The following BABAM2 variants were observed in gnomAD, a reference collection of about 807,000 sequenced individuals.
BABAM2 encodes BRISC and BRCA1-A complex member 2.
A neutral mutation model predicts 54.7 loss-of-function variants in BABAM2; 31 were observed. The observed-to-expected ratio is 0.57, with a 90% CI of 0.43 to 0.77. The LOEUF is 0.77. Among genes scored for constraint, BABAM2 ranks in the 30% least tolerant of loss-of-function variants. The pLI is 0.00. For synonymous variants in BABAM2, 167 were observed against 162.9 expected, an observed-to-expected ratio of 1.03 and a Z score of -0.19; for missense variants, 364 against 455.8, an observed-to-expected ratio of 0.80 and a Z score of 1.83.
intron 11 of BABAM2, among the ~76,000 whole-genome samples, chr2:28,335,123 C>T (rs72786765): frequency 0.097 from 14,404 of 148,634 alleles, 1,384 homozygotes; most frequent in African/African-American, 0.24. Flanking sequence ...TGTACCTGTT[C>T]TCTTTCTGGA....
chr2:27,956,683 CA>C (rs1292203915), intron 3 of BABAM2, among the ~76,000 whole-genome samples: 1 of 152,092 alleles, frequency 6.6e-6, no homozygotes, highest in Admixed American at 6.5e-5. Context: ...AAAGCAGCAG[CA>C]TAGTTTCTGC....
chr2:28,139,383 A>G lies in BABAM2; in HGVS notation c.680+10003A>G, dbSNP rs141428246. Among the ~76,000 whole-genome samples the G allele has an allele frequency of 5.4e-3, 818 of 151,256 alleles. 10 individuals carry two copies. Among genetic ancestry groups the G allele is most frequent in the African/African-American group, 0.019 (761 of 41,076 alleles). On this transcript the variant is annotated intron_variant, in intron 7 of 11. Transcript: ENST00000379624. Reference sequence around the variant, plus strand: ...AAAGAGGTGGAGACCATCCTGGCCAACATGGTGAAACCCTGCCTCTACTAA... The same window carrying G: ...AAAGAGGTGGAGACCATCCTGGCCAGCATGGTGAAACCCTGCCTCTACTAA...
chr2:28,315,872 T>C (rs1689512559), intron 11 of BABAM2, among the ~76,000 whole-genome samples: 1 of 152,100 alleles, frequency 6.6e-6, no homozygotes. Context: ...AATAGATCCT[T>C]CTTGGCCTTG....
In BABAM2 at chr2:28,025,273, G is replaced by T. The variant is rs191932782; in HGVS notation, c.348G>T (p.Val116=). The stretch of plus-strand genomic sequence containing the variant: ...CAAATCCTGAATGTCTCTTACTTGT[G>T]GTGAAGGAACTTGTGCAACAATATC... The part of the protein sequence containing the change: ...NPSNPECLLL[V]VKELVQQYHQ... Residue 116 remains valine (V), a synonymous_variant, in exon 5 of 12, where the codon GTG becomes GTT. Transcript: ENST00000379624. 1 of 1,608,644 alleles carries T rather than the reference G, an allele frequency of 6.2e-7. No homozygotes were observed.
chr2:27,968,725 A>T (rs539491577), intron 3 of BABAM2, among the ~76,000 whole-genome samples: 19 of 152,336 alleles, frequency 1.2e-4, no homozygotes, highest in African/African-American at 4.1e-4. Context: ...GACCATGGGA[A>T]TCCACCTCTT....
chr2:28,160,052 G>C (rs1472694079), intron 7 of BABAM2, among the ~76,000 whole-genome samples: 1 of 152,118 alleles, frequency 6.6e-6, no homozygotes, highest in African/African-American at 2.4e-5. Flanking sequence ...GCCAATCATA[G>C]CTCACTGTAA....
intron 7 of BABAM2, among the ~76,000 whole-genome samples, chr2:28,152,575 A>C (rs1342988313): frequency 6.6e-6 from 1 of 152,126 alleles, no homozygotes. Flanking sequence ...GGGAGACAGG[A>C]ATGGGCACAG....
At chr2:28,086,118 A>G (rs1665618833) in intron 6 of BABAM2, among the ~76,000 whole-genome samples, 1 of 152,164 alleles carries the variant, frequency 6.6e-6, no homozygotes, top group African/African-American at 2.4e-5. Flanking sequence ...TCCGTCTGTA[A>G]TTTGTAGACA....
intron 11 of BABAM2, among the ~76,000 whole-genome samples, chr2:28,303,714 C>G (rs1688286793): frequency 6.7e-6 from 1 of 148,336 alleles, no homozygotes; most frequent in Non-Finnish European, 1.5e-5. Context: ...CACTCCAACG[C>G]CCCCCCCACC....
chr2:27,898,346 G>A (rs1665506819), intron 2 of BABAM2, among the ~76,000 whole-genome samples: 1 of 152,086 alleles, frequency 6.6e-6, no homozygotes, highest in Admixed American at 6.5e-5. Flanking sequence ...ACACATTAAG[G>A]ATTTTCTTCT....
At chr2:28,294,585 A>G (rs929986408) in intron 10 of BABAM2, among the ~76,000 whole-genome samples, 1 of 152,180 alleles carries the variant, frequency 6.6e-6, no homozygotes, top group African/African-American at 2.4e-5. Context: ...ACATTTGGGG[A>G]TAAGGAAAGC....
At chr2:27,939,513 A>G (rs1668728035) in intron 3 of BABAM2, among the ~76,000 whole-genome samples, 1 of 152,214 alleles carries the variant, frequency 6.6e-6, no homozygotes, top group Admixed American at 6.5e-5. Context: ...GTTATAAAGA[A>G]TGTGGCATTC....
At chr2:28,114,392 G>A (rs781615637) in intron 6 of BABAM2, among the ~76,000 whole-genome samples, 25 of 152,042 alleles carry the variant, frequency 1.6e-4, no homozygotes, top group Non-Finnish European at 3.1e-4. Context: ...AGAGTCTAAC[G>A]AATTCATTCT....
chr2:28,248,533 C>T (rs1336207034), intron 10 of BABAM2, among the ~76,000 whole-genome samples: 1 of 151,898 alleles, frequency 6.6e-6, no homozygotes, highest in African/African-American at 2.4e-5. Context: ...CAGAATGCAG[C>T]GTGGCAAGAG....
At chr2:28,043,661 T>TCCAAAGAAC (rs1479566433) in intron 5 of BABAM2, among the ~76,000 whole-genome samples, 1 of 152,212 alleles carries the variant, frequency 6.6e-6, no homozygotes, top group Non-Finnish European at 1.5e-5. Context: ...TGTGTCTTGA[T>TCCAAAGAAC]CCAAAGAACC....
chr2:27,923,719 C>T (rs1184341295), intron 2 of BABAM2, among the ~76,000 whole-genome samples: 1 of 152,056 alleles, frequency 6.6e-6, no homozygotes, highest in Non-Finnish European at 1.5e-5. Context: ...GCCTATAATC[C>T]CAGCTCTTTG....
intron 4 of BABAM2, among the ~76,000 whole-genome samples, chr2:28,002,880 A>T (rs547437817): frequency 4.7e-4 from 71 of 152,304 alleles, no homozygotes; most frequent in African/African-American, 1.7e-3. Flanking sequence ...TCATTAGCAA[A>T]CCTTTGCTAA....
intron 4 of BABAM2, among the ~76,000 whole-genome samples, chr2:28,001,326 A>G (rs1327807061): frequency 6.6e-6 from 1 of 152,206 alleles, no homozygotes; most frequent in Non-Finnish European, 1.5e-5. Context: ...TACTACAAAC[A>G]TGTATTGAGC....
intron 5 of BABAM2, among the ~76,000 whole-genome samples, chr2:28,039,959 C>CA (rs70953900): frequency 0.015 from 2,215 of 150,042 alleles, 21 homozygotes; most frequent in African/African-American, 0.031. Flanking sequence ...CAAGGACTGA[C>CA]AAAAAAAAAA....
Sources: gnomAD v4.1 joint callset for allele counts (sites outside exome capture counted in the v4.1 genomes callset) on GRCh38, gnomAD v4.1.1 for gene constraint, MANE v1.5 for transcripts, NCBI Gene and HGNC (gene_info 2026-07-23, HGNC 2026-07-21) for gene names.